TACC2: variants seen among roughly 807,000 people sequenced by gnomAD.
TACC2 encodes transforming acidic coiled-coil containing protein 2.
TACC2 carries 137 observed loss-of-function variants against 227.3 expected under a neutral mutation model. That is an observed-to-expected ratio of 0.60 (90% confidence interval 0.52 to 0.69). The LOEUF (loss-of-function observed/expected upper bound fraction) is 0.69. TACC2 is among the 30% of genes least tolerant of loss of function. The pLI, the probability that TACC2 is intolerant of heterozygous loss-of-function variation, is 0.00. For missense variants in TACC2, 3,470 were observed against 3,694.4 expected, an observed-to-expected ratio of 0.94 and a Z score of 1.57; for synonymous variants, 1,523 against 1,487.5, an observed-to-expected ratio of 1.02 and a Z score of -0.55.
intron 5 of TACC2, among the ~76,000 whole-genome samples, chr10:122,100,272 A>C (rs2081988865): frequency 6.6e-6 from 1 of 152,070 alleles, no homozygotes; most frequent in Admixed American, 6.6e-5. Flanking sequence ...TCAAAAAAAA[A>C]AAAAAAGAAA....
chr10:122,157,764 C>A (rs2092579009), intron 7 of TACC2, among the ~76,000 whole-genome samples: 2 of 151,824 alleles, frequency 1.3e-5, no homozygotes, highest in Admixed American at 1.3e-4. Context: ...TATATTCTCT[C>A]AAAAGCTACC....
At chr10:122,082,552 G>A (rs2079636124) in intron 3 of TACC2, 95 bp from the exon 4 acceptor site, 2 of 1,405,528 alleles carry the variant, frequency 1.4e-6, no homozygotes, top group African/African-American at 1.4e-5. Context: ...GGCACTTGAT[G>A]CCCTTTTGTG....
rs1283552527 is a variant in TACC2, at chr10:122,205,521, C to A, written c.5972-4876C>A. Among the ~76,000 whole-genome samples the A allele has an allele frequency of 6.6e-6, 1 of 152,210 alleles. No homozygotes were observed. The highest frequency in any genetic ancestry group is 1.5e-5 in the Non-Finnish European group (1 of 68,024). On this transcript the variant is annotated intron_variant, in intron 8 of 22. Transcript: ENST00000369005. The surrounding 1 kb of genome is among the most constrained non-coding windows in gnomAD (Gnocchi z 4.5). ...TCCAAGCTTATCCTCAAAGCTGACT[C>A]ATTTTTGTGGCCAAATACTAAAGTG...
At chr10:122,058,864 G>C (rs572921227) in intron 3 of TACC2, among the ~76,000 whole-genome samples, 1 of 149,892 alleles carries the variant, frequency 6.7e-6, no homozygotes, top group Non-Finnish European at 1.5e-5. Flanking sequence ...TAGGCCATGC[G>C]TGAGCCACTG....
intron 12 of TACC2, 98 bp downstream of exon 12, chr10:122,224,885 A>C: frequency 2.0e-6 from 2 of 986,132 alleles, no homozygotes; most frequent in Non-Finnish European, 3.2e-6. Context: ...CAGACCCCAA[A>C]TCGAGTGTTT....
Position 122,141,487 on chromosome 10 carries a change from G to T in TACC2, c.5700-2085G>T, listed in dbSNP as rs189700070. ...AGGGAGCAGCCAGGTGGCCCCTCAG[G>T]AACAGGAGCAGCTGTGGGTGTTAAG... On this transcript the variant is annotated intron_variant, in intron 6 of 22. Transcript: ENST00000369005. The surrounding 1 kb of genome is among the most constrained non-coding windows in gnomAD (Gnocchi z 4.3). 2.0e-5 allele frequency among the ~76,000 whole-genome samples: 3 copies of T among 152,172 alleles called. No individual in the cohort carries two copies. In the South Asian group the frequency reaches 6.2e-4, roughly 32 times the overall value.
intron 5 of TACC2, among the ~76,000 whole-genome samples, chr10:122,122,456 A>G (rs988092829): frequency 3.3e-5 from 5 of 152,118 alleles, no homozygotes. Flanking sequence ...TACCATACAC[A>G]TATAAGTAAC....
intron 19 of TACC2, among the ~76,000 whole-genome samples, chr10:122,242,882 C>T (rs139683166): frequency 1.4e-3 from 212 of 152,274 alleles, no homozygotes; most frequent in Middle Eastern, 6.8e-3. Context: ...GATCCTCCTG[C>T]CTTGGTTGCC....
chr10:122,069,481 A>G (rs4751869), intron 3 of TACC2, among the ~76,000 whole-genome samples: 22,829 of 152,006 alleles, frequency 0.15, 2,158 homozygotes, highest in East Asian at 0.35. Flanking sequence ...TGACCTCATG[A>G]TCCACCTGCC....
Position 122,223,477 on chromosome 10 carries a change from A to C in TACC2, c.7547-1249A>C, listed in dbSNP as rs901799056. Among the ~76,000 whole-genome samples the C allele has an allele frequency of 3.3e-5, 5 of 152,340 alleles. No individual in the cohort carries two copies. The East Asian group carries it at 9.6e-4, about 29-fold the overall frequency. On this transcript the variant is annotated intron_variant, in intron 11 of 22. Coordinates refer to ENST00000369005, the MANE Select transcript of TACC2 (RefSeq NM_206862.4). Reference sequence around the variant, plus strand: ...CTCTACTCATCTTTATTCAGGATGCAACAGGGCTTTCTGGCCTTTAATCAC... The same window carrying C: ...CTCTACTCATCTTTATTCAGGATGCCACAGGGCTTTCTGGCCTTTAATCAC...
intron 16 of TACC2, among the ~76,000 whole-genome samples, chr10:122,233,046 C>G (rs908925557): frequency 6.6e-6 from 1 of 152,168 alleles, no homozygotes; most frequent in Non-Finnish European, 1.5e-5. Flanking sequence ...CCATATCTCT[C>G]TAGACTGATG....
In TACC2 at chr10:122,254,089, C is replaced by A. The variant is rs3763763; in HGVS notation, c.*33C>A. On this transcript the variant is annotated 3_prime_UTR_variant, in exon 23 of 23. Coordinates refer to ENST00000369005, the MANE Select transcript of TACC2 (RefSeq NM_206862.4). Reference sequence around the variant, plus strand: ...CCGAATGTTTTGGACTTAACTGTTGCGTGCAATATGACCGTCGGCACACTG... The same window carrying A: ...CCGAATGTTTTGGACTTAACTGTTGAGTGCAATATGACCGTCGGCACACTG... The A allele has an allele frequency of 0.25, 401,903 of 1,592,272 alleles. 51,511 individuals are homozygous for A. Among genetic ancestry groups the A allele is most frequent in the South Asian group, 0.34 (30,759 of 90,580 alleles).
intron 11 of TACC2, among the ~76,000 whole-genome samples, chr10:122,220,800 C>G (rs1373476531): frequency 6.6e-6 from 1 of 152,202 alleles, no homozygotes; most frequent in African/African-American, 2.4e-5. Flanking sequence ...GAGTCTTTTA[C>G]ATTCATGATT....
intron 9 of TACC2, among the ~76,000 whole-genome samples, chr10:122,212,738 G>C (rs2095322361): frequency 6.6e-6 from 1 of 152,216 alleles, no homozygotes; most frequent in Non-Finnish European, 1.5e-5. Context: ...CCTGAGAGGA[G>C]GTCTCTACAG....
chr10:122,209,237 C>T lies in TACC2; in HGVS notation c.5972-1160C>T, dbSNP rs1438219730. On this transcript the variant is annotated intron_variant, in intron 8 of 22. Transcript: ENST00000369005. The surrounding 1 kb of genome is among the most constrained non-coding windows in gnomAD (Gnocchi z 4.5). Reference sequence around the variant, plus strand: ...AGGTTACAGGTGATGGCTGGAGCGGCAGGTGGCAGACAGCAAGTGCTACTA... The same window carrying T: ...AGGTTACAGGTGATGGCTGGAGCGGTAGGTGGCAGACAGCAAGTGCTACTA... 6.6e-6 allele frequency among the ~76,000 whole-genome samples: 1 copy of T among 152,180 alleles called. No individual in the cohort carries two copies. The highest frequency in any genetic ancestry group is 2.4e-5 in the African/African-American group (1 of 41,452).
chr10:122,087,257 A>G lies in TACC2; in HGVS notation c.4757A>G (p.Glu1586Gly), dbSNP rs200004584. 6.2e-7 allele frequency: 1 copy of G among 1,613,790 alleles called. No individual in the cohort carries two copies. The highest frequency in any genetic ancestry group is 8.5e-7 in the Non-Finnish European group (1 of 1,180,032). ...CAGGTGGCTCCCCATAGCCATGGAG[A>G]AGAGGCCGTGGCCCAAGACAGAATT... is the stretch of plus-strand genomic sequence containing the variant. ...AFQVAPHSHG[E>G]EAVAQDRIPS... The change falls in exon 4 of 23, where the codon GAA becomes GGA. Residue 1586 changes from glutamate to glycine, a missense_variant. This residue lies in a region of TACC2 where 1,924 missense variants were observed against 1,978.3 expected (regional missense o/e 0.97). Transcript: ENST00000369005.
chr10:122,004,476 C>A (rs1954821625), intron 1 of TACC2, among the ~76,000 whole-genome samples: 1 of 151,912 alleles, frequency 6.6e-6, no homozygotes, highest in South Asian at 2.1e-4. Flanking sequence ...TAAATAAAAT[C>A]ACTATAGTAC....
At chr10:122,215,650 G>A (rs112966909) in intron 10 of TACC2, among the ~76,000 whole-genome samples, 199 bp downstream of exon 10, 2 of 152,190 alleles carry the variant, frequency 1.3e-5, no homozygotes, top group African/African-American at 2.4e-5. Flanking sequence ...AGTGTGTCCC[G>A]AGAGTGGGAA....
chr10:122,215,539 T>G (rs2095385937), intron 10 of TACC2, 88 bp downstream of exon 10: 1 of 1,133,700 alleles, frequency 8.8e-7, no homozygotes, highest in East Asian at 2.4e-5. Context: ...TTTCTGCTCA[T>G]CCCGGGCCTG....
Sources: gnomAD v4.1 joint callset for allele counts (sites outside exome capture counted in the v4.1 genomes callset) on GRCh38, gnomAD v4.1.1 for gene constraint, gnomAD v4.1.1 regional missense constraint, Gnocchi (gnomAD v3.1) non-coding constraint, MANE v1.5 for transcripts, NCBI Gene and HGNC (gene_info 2026-07-23, HGNC 2026-07-21) for gene names.